Variants in AP5Z1 observed in about 807,000 individuals in gnomAD.
AP5Z1 encodes the protein AP-5 complex subunit zeta-1.
AP5Z1 carries 106 observed loss-of-function variants against 83.0 expected under a neutral mutation model. The observed-to-expected ratio is 1.28, with a 90% CI of 1.09 to 1.50. The LOEUF (loss-of-function observed/expected upper bound fraction) is 1.50. Among genes scored for constraint, AP5Z1 ranks in the 40% most tolerant of loss-of-function variants. The probability of loss-of-function intolerance (pLI) is 0.00; values close to 1 mark genes in which losing one functional copy is unlikely to be tolerated. For missense variants in AP5Z1, 1,565 were observed against 1,094.2 expected (o/e 1.43, Z -6.07); for synonymous variants, 751 against 514.1 (o/e 1.46, Z -6.23).
chr7:4,790,004 T>A, intron 14 of AP5Z1, 75 bp downstream of exon 14: 1 of 538,156 alleles, frequency 1.9e-6, no homozygotes, highest in Non-Finnish European at 2.3e-6. Flanking sequence ...CCCTCCCCCC[T>A]CCCCTTCAGT....
intron 13 of AP5Z1, 36 bp from the exon 14 acceptor site, chr7:4,789,796 G>A: frequency 6.6e-7 from 1 of 1,523,596 alleles, no homozygotes; most frequent in Non-Finnish European, 8.9e-7. Context: ...TGCAGTGGGG[G>A]TGGGGCTGAG....
chr7:4,782,286 G>C (rs2115104165), intron 3 of AP5Z1, among the ~76,000 whole-genome samples: 1 of 152,218 alleles, frequency 6.6e-6, no homozygotes, highest in African/African-American at 2.4e-5. Flanking sequence ...AAACTTCTGG[G>C]CTCAAGCAAT....
intron 3 of AP5Z1, among the ~76,000 whole-genome samples, 176 bp from the exon 4 acceptor site, chr7:4,783,140 C>T (rs1031124370): frequency 6.6e-6 from 1 of 152,220 alleles, no homozygotes; most frequent in Non-Finnish European, 1.5e-5. Context: ...AGGCTGGAGG[C>T]GGAGCAGGCA....
chr7:4,786,811 C>T (rs892142202), intron 10 of AP5Z1, among the ~76,000 whole-genome samples: 3 of 151,972 alleles, frequency 2.0e-5, no homozygotes, highest in African/African-American at 7.3e-5. Flanking sequence ...ATTCCTGTCA[C>T]CTAGGCTGGA....
At position 4,784,261 on chromosome 7, in the gene AP5Z1, C is replaced by T. The variant is rs1451287625; in HGVS notation, c.680C>T (p.Ser227Phe). Residue 227 changes from serine (S) to phenylalanine (F), a missense_variant, in exon 6 of 17, where the codon TCC becomes TTC. By Grantham distance (155) the Ser-to-Phe change is radical (BLOSUM62 -2). Coordinates refer to ENST00000649063, the MANE Select transcript of AP5Z1 (RefSeq NM_014855.3). Reference sequence around the variant, plus strand: ...GCCACAGACTTCTTCACGGTGCTCTCCAGCGGCCACCGCTTCACAGACGAC... The same window carrying T: ...GCCACAGACTTCTTCACGGTGCTCTTCAGCGGCCACCGCTTCACAGACGAC... ...AVATDFFTVL[S>F]SGHRFTDDQW... 3 of 1,597,554 alleles carry T rather than the reference C, an allele frequency of 1.9e-6. No homozygotes were observed. Among genetic ancestry groups the T allele is most frequent in the Non-Finnish European group, 2.6e-6 (3 of 1,173,440 alleles).
At chr7:4,785,143 C>G in intron 7 of AP5Z1, 95 bp downstream of exon 7, 1 of 1,502,388 alleles carries the variant, frequency 6.7e-7, no homozygotes, top group Admixed American at 2.2e-5. Context: ...TGAGCTACTG[C>G]TCCACAGAGG....
At chr7:4,790,222 C>A (rs201394391) in intron 14 of AP5Z1, 1 of 1,549,738 alleles carries the variant, frequency 6.5e-7, no homozygotes, top group African/African-American at 1.4e-5. Context: ...AGGCCTGATG[C>A]ATGCAGGCCC....
intron 11 of AP5Z1, 72 bp downstream of exon 11, chr7:4,787,848 C>T (rs1212750703): frequency 2.0e-6 from 3 of 1,467,608 alleles, no homozygotes; most frequent in African/African-American, 2.8e-5. Flanking sequence ...CCCCTCCTCG[C>T]TGCTCCTGAC....
At chr7:4,789,810 G>C (rs192658853) in intron 13 of AP5Z1, 22 bp from the exon 14 acceptor site, 3 of 1,547,318 alleles carry the variant, frequency 1.9e-6, no homozygotes, top group African/African-American at 1.4e-5. Context: ...GGCTGAGCCT[G>C]TTTCCCACTC....
intron 1 of AP5Z1, among the ~76,000 whole-genome samples, chr7:4,778,675 G>T (rs1183166896): frequency 6.6e-6 from 1 of 150,496 alleles, no homozygotes; most frequent in Non-Finnish European, 1.5e-5. Context: ...GGGATGAGGG[G>T]TTCCACCTTT....
chr7:4,782,064 T>C (rs1038387173), intron 3 of AP5Z1, among the ~76,000 whole-genome samples: 5 of 152,064 alleles, frequency 3.3e-5, no homozygotes, highest in Non-Finnish European at 7.4e-5. Context: ...TTTTGTTTTG[T>C]TTTTTAGAAA....
intron 14 of AP5Z1, chr7:4,790,229 GC>G (rs1409215710): frequency 3.2e-6 from 5 of 1,549,578 alleles, no homozygotes; most frequent in Middle Eastern, 1.7e-4. Context: ...ATGCATGCAG[GC>G]CCATCCTGGT....
rs758393446 is a variant in AP5Z1, at chr7:4,790,506, T to C, written c.1853T>C (p.Leu618Pro). ...FLALCTLKPSLVVELARDLLE... is the reference protein window; with the variant it reads ...FLALCTLKPSPVVELARDLLE... Reference sequence around the variant, plus strand: ...GCCCTGTGTACGCTGAAACCCTCCCTGGTGGTGGAGCTGGCAAGAGACCTG... The same window carrying C: ...GCCCTGTGTACGCTGAAACCCTCCCCGGTGGTGGAGCTGGCAAGAGACCTG... Residue 618 changes from leucine to proline, a missense_variant, in exon 15 of 17, where the codon CTG (leucine) becomes CCG (proline). Transcript: ENST00000649063. The C allele has an allele frequency of 1.9e-6, 3 of 1,613,152 alleles. No individual in the cohort carries two copies. Among genetic ancestry groups the C allele is most frequent in the Non-Finnish European group, 2.5e-6 (3 of 1,179,854 alleles).
At chr7:4,781,424 C>T (rs1321428439) in intron 2 of AP5Z1, 112 bp downstream of exon 2, 1 of 1,562,912 alleles carries the variant, frequency 6.4e-7, no homozygotes, top group Non-Finnish European at 8.7e-7. Context: ...CATTTGTCCA[C>T]TTAAACCAGT....
At chr7:4,782,398 G>A (rs1781406062) in intron 3 of AP5Z1, among the ~76,000 whole-genome samples, 2 of 152,140 alleles carry the variant, frequency 1.3e-5, no homozygotes, top group Admixed American at 1.3e-4. Context: ...GGGTTCACAG[G>A]CTGCCTTTGT....
chr7:4,785,371 C>CT (rs1288981662), intron 7 of AP5Z1, 44 bp from the exon 8 acceptor site: 17 of 1,604,858 alleles, frequency 1.1e-5, no homozygotes, highest in Admixed American at 3.4e-5. Flanking sequence ...TTGGGCCACT[C>CT]TAAGGCTGAG....
At chr7:4,776,812 GTGA>G (rs1247000414) in intron 1 of AP5Z1, among the ~76,000 whole-genome samples, 1 of 152,106 alleles carries the variant, frequency 6.6e-6, no homozygotes, top group East Asian at 1.9e-4. Context: ...ACTTGGTGAG[GTGA>G]GAGGCCGAAG....
intron 5 of AP5Z1, 37 bp from the exon 6 acceptor site, chr7:4,784,166 G>A (rs752299234): frequency 1.2e-5 from 18 of 1,544,946 alleles, no homozygotes; most frequent in African/African-American, 4.1e-5. Context: ...TCCCGGCCTC[G>A]GCCCCCTCCG....
At position 4,793,715 on chromosome 7, in the gene AP5Z1, C is replaced by T. The variant is rs1420647561; in HGVS notation, c.*2330C>T. On this transcript the variant is annotated 3_prime_UTR_variant, in exon 17 of 17. Coordinates refer to ENST00000649063, the MANE Select transcript of AP5Z1 (RefSeq NM_014855.3). ...CGATTTCTCACTGGGCCTTAGCTGC[C>T]TTCCTGCGGGGCAGGGCTGGGGACC... 6.5e-6 allele frequency: 1 copy of T among 153,608 alleles called. No homozygotes were observed. Among genetic ancestry groups the T allele is most frequent in the Non-Finnish European group, 1.4e-5 (1 of 69,162 alleles). The allele number at this position is 153,608 out of a possible 1,614,324, so 9.5% of individuals were successfully genotyped here. A position where few individuals can be genotyped will look rare whatever the true frequency, so the allele number is the denominator to read the frequency against.
Sources: gnomAD v4.1 joint callset for allele counts (sites outside exome capture counted in the v4.1 genomes callset) on GRCh38, gnomAD v4.1.1 for gene constraint, MANE v1.5 for transcripts, NCBI Gene and HGNC (gene_info 2026-07-23, HGNC 2026-07-21) for gene names.